COL6A3: variants seen among roughly 807,000 people sequenced by gnomAD.
COL6A3 encodes the protein collagen type VI alpha 3 chain.
COL6A3 carries 137 observed loss-of-function variants against 274.1 expected under a neutral mutation model. The ratio of observed to expected loss-of-function variants is 0.50; its 90% CI spans 0.44 to 0.58. The LOEUF is 0.58. Ranked by LOEUF, COL6A3 falls within the 20% of genes least tolerant of loss-of-function variation. The pLI is 0.00. For synonymous variants in COL6A3, 1,650 were observed against 1,650.6 expected, an observed-to-expected ratio of 1.00 and a Z score of 0.01; for missense variants, 3,950 against 4,124.9, an observed-to-expected ratio of 0.96 and a Z score of 1.16.
At chr2:237,396,238 T>G (rs1359798068) in intron 2 of COL6A3, among the ~76,000 whole-genome samples, 2 of 152,174 alleles carry the variant, frequency 1.3e-5, no homozygotes, top group Non-Finnish European at 2.9e-5. Flanking sequence ...TTTTAATTCG[T>G]TTTGGGAAAC....
At chr2:237,352,768 G>A (rs190661506) in intron 25 of COL6A3, among the ~76,000 whole-genome samples, 184 bp from the exon 26 acceptor site, 11 of 152,334 alleles carry the variant, frequency 7.2e-5, no homozygotes, top group Non-Finnish European at 1.3e-4. Context: ...ATCGTGAATA[G>A]GCAAGTGAGC....
intron 39 of COL6A3, among the ~76,000 whole-genome samples, chr2:237,337,044 T>C (rs1265025021): frequency 6.6e-6 from 1 of 152,162 alleles, no homozygotes; most frequent in African/African-American, 2.4e-5. Flanking sequence ...TCTTAATTTT[T>C]GTGTATGTGT....
chr2:237,364,892 C>T lies in COL6A3; in HGVS notation c.5839-464G>A, dbSNP rs139517973. Reference sequence around the variant, plus strand: ...GTGTGCATGTGTATGGGTGCATGTGCGTGCATGTGTGTGGGTGCATGTCTG... The same window carrying T: ...GTGTGCATGTGTATGGGTGCATGTGTGTGCATGTGTGTGGGTGCATGTCTG... On this transcript the variant is annotated intron_variant, in intron 12 of 43. Transcript: ENST00000295550. The surrounding 1 kb of genome is among the most constrained non-coding windows in gnomAD (Gnocchi z 4.6). 9.4e-3 allele frequency among the ~76,000 whole-genome samples: 1,345 copies of T among 143,684 alleles called. 22 individuals carry two copies. Among genetic ancestry groups the T allele is most frequent in the African/African-American group, 0.033 (1,285 of 38,506 alleles). 94.3% of individuals were successfully genotyped at this position (143,684 alleles called of 152,430 possible). A position where few individuals can be genotyped will look rare whatever the true frequency, so the allele number is the denominator to read the frequency against.
At position 237,333,470 on chromosome 2, in the gene COL6A3, G is replaced by T. The variant is rs1288932366; in HGVS notation, c.9308C>A (p.Pro3103Gln). 2 of 1,614,044 alleles carry T rather than the reference G, an allele frequency of 1.2e-6. No homozygotes were observed. Among genetic ancestry groups the T allele is most frequent in the African/African-American group, 1.3e-5 (1 of 74,914 alleles). ...CTCACCTGTTTCAGTGAGAGCCAAT[G>T]GTTCTGTGCTCACCATTAGATTGAT... ...STINLMVSTE[P>Q]LALTETDICK... Residue 3103 changes from proline (P) to glutamine (Q), a missense_variant, in exon 42 of 44, where the codon CCA becomes CAA. Pro to Gln is a moderately conservative substitution (Grantham distance 76, BLOSUM62 -1). Transcript: ENST00000295550.
At chr2:237,404,964 G>A (rs1042230141) in intron 1 of COL6A3, among the ~76,000 whole-genome samples, 3 of 152,144 alleles carry the variant, frequency 2.0e-5, no homozygotes, top group African/African-American at 7.2e-5. Flanking sequence ...AGCCCCCTCA[G>A]TGGAGATACT....
chr2:237,364,223 AAG>A lies in COL6A3; in HGVS notation c.5917+125_5917+126del. The A allele has an allele frequency of 1.3e-6, 1 of 772,466 alleles. No homozygotes were observed. Among genetic ancestry groups the A allele is most frequent in the Non-Finnish European group, 2.3e-6 (1 of 441,232 alleles). The allele number at this position is 772,466 out of a possible 1,614,324, so 47.9% of individuals were successfully genotyped here. The stretch of plus-strand genomic sequence containing the variant: ...GATGAAGGGCCACAACGCTGGGAGG[AAG>A]AGTCTCCCAAGACAACGCTGCTCCC... On this transcript the variant is annotated intron_variant, in intron 13 of 43. Coordinates refer to ENST00000295550, the MANE Select transcript of COL6A3 (RefSeq NM_004369.4). The surrounding 1 kb of genome is among the most constrained non-coding windows in gnomAD (Gnocchi z 4.6).
rs562921849 is a variant in COL6A3 at position 237,334,313 on chromosome 2, T to C, written c.9229+313A>G. On this transcript the variant is annotated intron_variant, in intron 41 of 43. Transcript: ENST00000295550. ...AACCAGGAGCCCTCACCGGGAGACG[T>C]GGCCATCTTTCCCGGGTGCAATGTT... Among the ~76,000 whole-genome samples, 9 of 152,274 alleles carry C rather than the reference T, an allele frequency of 5.9e-5. No individual in the cohort carries two copies. In the South Asian group the frequency reaches 1.5e-3, roughly 25 times the overall value.
chr2:237,378,831 G>A lies in COL6A3; in HGVS notation c.2302C>T (p.Arg768Cys), dbSNP rs200722892. The A allele has an allele frequency of 2.7e-5, 43 of 1,614,234 alleles. No individual in the cohort carries two copies. Among genetic ancestry groups the A allele is most frequent in the Middle Eastern group, 1.6e-4 (1 of 6,062 alleles). Residue 768 changes from arginine to cysteine, a missense_variant, in exon 6 of 44, where the codon CGC becomes TGC. Transcript: ENST00000295550. ...ACACAAAAAGTCAGGATGCCCGCGCGTGTCAAGGCGTTGGCAGCTTGCAAA... is the reference window on the plus strand; with the variant it reads ...ACACAAAAAGTCAGGATGCCCGCGCATGTCAAGGCGTTGGCAGCTTGCAAA... ...SYLQAANALT[R>C]AGILTFCVGA...
intron 1 of COL6A3, among the ~76,000 whole-genome samples, chr2:237,402,061 T>A (rs1366277648): frequency 6.6e-6 from 1 of 152,196 alleles, no homozygotes. Flanking sequence ...GAAATCCTTT[T>A]ATCTACTACA....
At chr2:237,410,659 A>C (rs2078835875) in intron 1 of COL6A3, among the ~76,000 whole-genome samples, 1 of 152,206 alleles carries the variant, frequency 6.6e-6, no homozygotes, top group South Asian at 2.1e-4. Flanking sequence ...TGTATTAAAA[A>C]TTATATTTTT....
chr2:237,354,522 G>A (rs1262856070), intron 24 of COL6A3, among the ~76,000 whole-genome samples: 1 of 152,070 alleles, frequency 6.6e-6, no homozygotes, highest in Non-Finnish European at 1.5e-5. Flanking sequence ...TCAGTGAAAG[G>A]CTAATCAGAG....
At chr2:237,341,970 C>A (rs1224924408) in intron 37 of COL6A3, 95 bp downstream of exon 37, 17 of 1,069,118 alleles carry the variant, frequency 1.6e-5, no homozygotes, top group Non-Finnish European at 2.3e-5. Context: ...AACTCAAGCT[C>A]TTTTTACAGA....
intron 4 of COL6A3, among the ~76,000 whole-genome samples, chr2:237,385,846 A>G (rs926143223): frequency 1.3e-5 from 2 of 152,162 alleles, no homozygotes; most frequent in African/African-American, 4.8e-5. Context: ...TTATTTTCAA[A>G]ATTCTAGTCT....
chr2:237,375,840 GC>G (rs1349483820), intron 7 of COL6A3, among the ~76,000 whole-genome samples: 28 of 152,320 alleles, frequency 1.8e-4, no homozygotes, highest in African/African-American at 5.8e-4. Flanking sequence ...ACCGCACCCG[GC>G]CTGTTTTGTT....
intron 40 of COL6A3, among the ~76,000 whole-genome samples, chr2:237,335,708 G>C (rs558169323): frequency 1.5e-4 from 23 of 152,326 alleles, no homozygotes; most frequent in Admixed American, 1.4e-3. Flanking sequence ...CATGTTCTAA[G>C]GTAGGCGAGT....
At chr2:237,389,159 C>G (rs1559272604) in intron 3 of COL6A3, among the ~76,000 whole-genome samples, 1 of 152,180 alleles carries the variant, frequency 6.6e-6, no homozygotes, top group African/African-American at 2.4e-5. Context: ...TAATGGCAAA[C>G]AGAGAATTCC....
chr2:237,336,291 TCACCGC>T lies in COL6A3; in HGVS notation c.8803_8808del (p.Ala2935_Val2936del), dbSNP rs1395856614. 2.3e-5 allele frequency: 37 copies of T among 1,613,058 alleles called. No individual in the cohort carries two copies. The highest frequency in any genetic ancestry group is 2.9e-5 in the Non-Finnish European group (34 of 1,179,306). On this transcript the variant is annotated inframe_deletion, in exon 40 of 44. Coordinates refer to ENST00000295550, the MANE Select transcript of COL6A3 (RefSeq NM_004369.4). ...ACAGGCTTCGCTGCCGTTGCTGGCT[TCACCGC>T]CACTGGGGGTCTAACAGTGGCCATC...
In COL6A3 at chr2:237,368,598, G is replaced by A. The variant is rs1329244936; in HGVS notation, c.4865C>T (p.Pro1622Leu). ...SFGPSAATPA[P>L]PGVDTPPPSR... ...AGGAGGAGGGGTGTCCACCCCTGGA[G>A]GTGCAGGAGTGGCTGCGGAGGGTCC... The change falls in exon 10 of 44, where the codon CCT becomes CTT. Residue 1622 changes from proline (P) to leucine (L), a missense_variant. By Grantham distance (98) the Pro-to-Leu change is moderately conservative (BLOSUM62 -3). Transcript: ENST00000295550. The surrounding 1 kb of genome is among the most constrained non-coding windows in gnomAD (Gnocchi z 4.4). 5.6e-6 allele frequency: 9 copies of A among 1,614,124 alleles called. No homozygotes were observed. The highest frequency in any genetic ancestry group is 7.6e-6 in the Non-Finnish European group (9 of 1,180,010).
In COL6A3 at chr2:237,366,007, A is replaced by T. The variant is rs1223472856; in HGVS notation, c.5529T>A (p.Phe1843Leu). 6.2e-7 allele frequency: 1 copy of T among 1,613,792 alleles called. No homozygotes were observed. Among genetic ancestry groups the T allele is most frequent in the East Asian group, 2.2e-5 (1 of 44,880 alleles). The part of the protein sequence containing the change: ...KACNLDVILG[F>L]DGSRDQNVFV... ...AAACATTCTGGTCTCTAGAACCATC[A>T]AACCCCAGAATCACATCCAGATTAC... The change falls in exon 12 of 44, where the codon TTT (phenylalanine) becomes TTA (leucine). Residue 1843 changes from phenylalanine to leucine, a missense_variant. This residue lies in a region of COL6A3 where 632 missense variants were observed against 623.4 expected (regional missense o/e 1.01). Coordinates refer to ENST00000295550, the MANE Select transcript of COL6A3 (RefSeq NM_004369.4).
Sources: gnomAD v4.1 joint callset for allele counts (sites outside exome capture counted in the v4.1 genomes callset) on GRCh38, gnomAD v4.1.1 for gene constraint, gnomAD v4.1.1 regional missense constraint, Gnocchi (gnomAD v3.1) non-coding constraint, MANE v1.5 for transcripts, NCBI Gene and HGNC (gene_info 2026-07-23, HGNC 2026-07-21) for gene names.